The following IRF2 variants were observed in gnomAD, a reference collection of about 807,000 sequenced individuals.
The protein encoded by IRF2 is interferon regulatory factor 2.
In IRF2, 15 loss-of-function variants were observed where a neutral mutation model predicts 40.6. The ratio of observed to expected loss-of-function variants is 0.37; its 90% CI spans 0.25 to 0.57. IRF2 has a LOEUF of 0.57. IRF2 is among the 20% of genes least tolerant of loss of function. The pLI is 0.77. For synonymous variants in IRF2, 151 were observed against 165.5 expected (o/e 0.91, Z 0.67); for missense variants, 317 against 455.7 (o/e 0.70, Z 2.77).
At chr4:184,442,407 C>A (rs1579092256) in intron 1 of IRF2, among the ~76,000 whole-genome samples, 1 of 152,148 alleles carries the variant, frequency 6.6e-6, no homozygotes, top group African/African-American at 2.4e-5. Flanking sequence ...TCAGTTGTTT[C>A]ATTTTAGTTG....
intron 1 of IRF2, among the ~76,000 whole-genome samples, chr4:184,452,630 A>C (rs975083488): frequency 6.6e-6 from 1 of 151,846 alleles, no homozygotes; most frequent in Non-Finnish European, 1.5e-5. Context: ...AAATAAGGCA[A>C]TGCGGTGGCT....
chr4:184,457,358 G>A (rs1344441195), intron 1 of IRF2, among the ~76,000 whole-genome samples: 1 of 152,120 alleles, frequency 6.6e-6, no homozygotes, highest in Non-Finnish European at 1.5e-5. Flanking sequence ...TCTGTGGCCC[G>A]GCGTGACGTC....
intron 1 of IRF2, among the ~76,000 whole-genome samples, chr4:184,446,085 C>T (rs1394498011): frequency 2.0e-5 from 3 of 152,206 alleles, no homozygotes; most frequent in African/African-American, 7.2e-5. Context: ...TTGCTAGCAG[C>T]CACCAGAAGG....
At chr4:184,404,062 A>G (rs562865118) in intron 6 of IRF2, among the ~76,000 whole-genome samples, 1 of 152,286 alleles carries the variant, frequency 6.6e-6, no homozygotes, top group African/African-American at 2.4e-5. Flanking sequence ...TGAGAAAGCA[A>G]CTTGCTCCCA....
chr4:184,433,366 T>C (rs1737960051), intron 1 of IRF2, among the ~76,000 whole-genome samples: 1 of 152,154 alleles, frequency 6.6e-6, no homozygotes, highest in African/African-American at 2.4e-5. Context: ...GGCTCTCCCA[T>C]GCTCCTGCCG....
intron 5 of IRF2, among the ~76,000 whole-genome samples, chr4:184,412,336 G>T (rs1737108675): frequency 6.6e-6 from 1 of 151,994 alleles, no homozygotes. Flanking sequence ...AATGGGCTTG[G>T]GGACAGACCA....
At chr4:184,456,207 C>T (rs985735059) in intron 1 of IRF2, among the ~76,000 whole-genome samples, 2 of 152,180 alleles carry the variant, frequency 1.3e-5, no homozygotes, top group Admixed American at 6.5e-5. Context: ...AAATGTGACT[C>T]TGCACTTCAA....
chr4:184,434,046 G>C (rs1561110327), intron 1 of IRF2, among the ~76,000 whole-genome samples: 1 of 152,240 alleles, frequency 6.6e-6, no homozygotes, highest in East Asian at 1.9e-4. Context: ...GGACTGGAAA[G>C]AAAGATGCTT....
intron 1 of IRF2, among the ~76,000 whole-genome samples, chr4:184,438,686 G>C (rs541252472): frequency 6.6e-6 from 1 of 152,160 alleles, no homozygotes; most frequent in Non-Finnish European, 1.5e-5. Context: ...CGTGAGCCCC[G>C]CGCCTGGCCT....
rs60641093 is a variant in IRF2, at chr4:184,429,112, A to G, written c.-6-42T>C. The G allele has an allele frequency of 1.3e-3, 1,848 of 1,409,740 alleles. 18 individuals carry two copies. In the African/African-American group the frequency reaches 0.023, roughly 17 times the overall value. 87.3% of individuals were successfully genotyped at this position (1,409,740 alleles called of 1,614,324 possible). A position where few individuals can be genotyped will look rare whatever the true frequency, so the allele number is the denominator to read the frequency against. ...ACAGCGTCAGGCGTTGGTGCCACTC[A>G]GTGTGGTGTCTGCACTGCAGAGTTC... On this transcript the variant is annotated intron_variant, in intron 1 of 8. Transcript: ENST00000393593.
At chr4:184,464,168 G>T (rs962990370) in intron 1 of IRF2, among the ~76,000 whole-genome samples, 3 of 152,126 alleles carry the variant, frequency 2.0e-5, no homozygotes, top group African/African-American at 7.2e-5. Context: ...GGAATGTATA[G>T]GATAGGAAGA....
chr4:184,415,107 C>G (rs1025735593), intron 5 of IRF2, among the ~76,000 whole-genome samples: 1 of 152,176 alleles, frequency 6.6e-6, no homozygotes, highest in African/African-American at 2.4e-5. Context: ...CTTGAACAGC[C>G]AGGAAGCACA....
intron 1 of IRF2, among the ~76,000 whole-genome samples, chr4:184,447,205 G>A (rs1348060851): frequency 3.3e-5 from 5 of 152,052 alleles, no homozygotes; most frequent in African/African-American, 1.2e-4. Context: ...ATAAGGAAGG[G>A]CTCAAAAGAT....
chr4:184,438,554 G>A (rs1738172972), intron 1 of IRF2, among the ~76,000 whole-genome samples: 1 of 152,184 alleles, frequency 6.6e-6, no homozygotes, highest in Non-Finnish European at 1.5e-5. Context: ...CCGACAGTGT[G>A]TGTGCAGGTG....
intron 2 of IRF2, among the ~76,000 whole-genome samples, chr4:184,422,905 T>C (rs1359180361): frequency 6.6e-6 from 1 of 152,216 alleles, no homozygotes; most frequent in Non-Finnish European, 1.5e-5. Context: ...CATGACATCG[T>C]GAATGTCACT....
chr4:184,410,038 C>T (rs1254922333), intron 5 of IRF2, among the ~76,000 whole-genome samples: 1 of 152,168 alleles, frequency 6.6e-6, no homozygotes, highest in Non-Finnish European at 1.5e-5. Context: ...GTCTGCCTTT[C>T]CGGACTTCGC....
chr4:184,450,248 T>C (rs1738667610), intron 1 of IRF2, among the ~76,000 whole-genome samples: 2 of 152,244 alleles, frequency 1.3e-5, no homozygotes, highest in African/African-American at 4.8e-5. Context: ...GGGCAGACTA[T>C]CCTGCCAAAT....
chr4:184,399,168 C>T (rs1736578747), intron 6 of IRF2, 89 bp from the exon 7 acceptor site: 3 of 1,358,436 alleles, frequency 2.2e-6, no homozygotes. Flanking sequence ...CCAAAAGAGC[C>T]AGGTCGCCAG....
intron 7 of IRF2, among the ~76,000 whole-genome samples, chr4:184,392,767 G>C (rs1397077568): frequency 6.6e-6 from 1 of 152,154 alleles, no homozygotes; most frequent in Non-Finnish European, 1.5e-5. Context: ...GACTCCACTG[G>C]TCCCAGCCTG....
Sources: gnomAD v4.1 joint callset for allele counts (sites outside exome capture counted in the v4.1 genomes callset) on GRCh38, gnomAD v4.1.1 for gene constraint, MANE v1.5 for transcripts, NCBI Gene and HGNC (gene_info 2026-07-23, HGNC 2026-07-21) for gene names.